Variants in USP24 observed in about 807,000 individuals in gnomAD.
USP24 encodes the protein ubiquitin specific peptidase 24.
In USP24, 97 loss-of-function variants were observed where a neutral mutation model predicts 361.6. The observed-to-expected ratio is 0.27, with a 90% CI of 0.23 to 0.32. USP24 has a LOEUF of 0.32. USP24 is among the 10% of genes least tolerant of loss of function. The pLI, the probability that USP24 is intolerant of heterozygous loss-of-function variation, is 1.00. For synonymous variants in USP24, 1,098 were observed against 1,124.6 expected (o/e 0.98, Z 0.47); for missense variants, 2,353 against 3,165.6 (o/e 0.74, Z 6.16).
intron 18 of USP24, 38 bp from the exon 19 acceptor site, chr1:55,147,098 C>A: frequency 1.3e-6 from 2 of 1,496,694 alleles, no homozygotes. Context: ...TAACTCCAGG[C>A]ATTCATTCCT....
At chr1:55,115,786 G>C (rs1646096489) in intron 38 of USP24, among the ~76,000 whole-genome samples, 2 of 152,198 alleles carry the variant, frequency 1.3e-5, no homozygotes, top group Admixed American at 1.3e-4. Context: ...ATCAATGATA[G>C]ACTGGATAAA....
chr1:55,181,114 T>G (rs1478286537), intron 1 of USP24, among the ~76,000 whole-genome samples: 6 of 151,312 alleles, frequency 4.0e-5, no homozygotes, highest in Admixed American at 1.3e-4. Context: ...CATTACAAAA[T>G]AAAATAATCC....
chr1:55,189,712 G>C (rs1308439398), intron 1 of USP24, among the ~76,000 whole-genome samples: 1 of 152,074 alleles, frequency 6.6e-6, no homozygotes, highest in Non-Finnish European at 1.5e-5. Context: ...TCTCAATAAA[G>C]CTGTTATTTA....
chr1:55,147,831 T>C (rs1210153090), intron 17 of USP24, 33 bp from the exon 18 acceptor site: 8 of 1,605,020 alleles, frequency 5.0e-6, no homozygotes, highest in East Asian at 2.2e-5. Flanking sequence ...AAAGTGGTAA[T>C]GAGAATTTGC....
intron 55 of USP24, among the ~76,000 whole-genome samples, chr1:55,089,108 A>G (rs1168739143): frequency 6.6e-6 from 1 of 151,956 alleles, no homozygotes; most frequent in African/African-American, 2.4e-5. Context: ...GGGTTTCACC[A>G]TGTTGGCCAG....
chr1:55,098,836 C>G (rs1383025806), intron 45 of USP24, among the ~76,000 whole-genome samples: 1 of 152,100 alleles, frequency 6.6e-6, no homozygotes, highest in Non-Finnish European at 1.5e-5. Context: ...CTACAAGGAC[C>G]AAGTTAGGGG....
chr1:55,073,350 T>C (rs546724896), intron 64 of USP24, among the ~76,000 whole-genome samples: 3 of 152,302 alleles, frequency 2.0e-5, no homozygotes, highest in African/African-American at 7.2e-5. Context: ...ACAACTGTAC[T>C]AACCTCATGA....
chr1:55,185,093 G>A (rs1035305822), intron 1 of USP24, among the ~76,000 whole-genome samples: 2 of 151,840 alleles, frequency 1.3e-5, no homozygotes, highest in African/African-American at 4.8e-5. Flanking sequence ...CCAGCAGCTG[G>A]GACTACTGCT....
chr1:55,081,850 TA>T (rs1176086843), intron 58 of USP24, among the ~76,000 whole-genome samples: 4 of 152,244 alleles, frequency 2.6e-5, no homozygotes, highest in Non-Finnish European at 4.4e-5. Context: ...TTTTGAGGAC[TA>T]AATGAAATAT....
At chr1:55,091,771 G>T (rs1329499136) in intron 54 of USP24, among the ~76,000 whole-genome samples, 2 of 152,024 alleles carry the variant, frequency 1.3e-5, no homozygotes, top group Non-Finnish European at 2.9e-5. Flanking sequence ...TCCTTATCTG[G>T]ATATGATTTT....
intron 1 of USP24, among the ~76,000 whole-genome samples, chr1:55,197,281 C>CT (rs1644445659): frequency 6.6e-6 from 1 of 152,174 alleles, no homozygotes; most frequent in Admixed American, 6.6e-5. Flanking sequence ...TCCTGTGCTG[C>CT]TTTTTTTCCA....
chr1:55,104,710 T>C (rs1557564358), intron 41 of USP24, among the ~76,000 whole-genome samples: 1 of 152,100 alleles, frequency 6.6e-6, no homozygotes, highest in Non-Finnish European at 1.5e-5. Flanking sequence ...AGTGAAACAC[T>C]TAGGGAATGT....
intron 5 of USP24, among the ~76,000 whole-genome samples, chr1:55,169,559 T>C (rs182788672): frequency 6.6e-6 from 1 of 152,172 alleles, no homozygotes; most frequent in East Asian, 1.9e-4. Flanking sequence ...AAAGAAAAGA[T>C]TTCAAAATAC....
chr1:55,213,994 A>C (rs1644915591), intron 1 of USP24, among the ~76,000 whole-genome samples: 1 of 151,148 alleles, frequency 6.6e-6, no homozygotes, highest in Admixed American at 6.6e-5. Context: ...GATGACCAGT[A>C]CTCCCTCTTT....
chr1:55,107,853 A>AAC, intron 39 of USP24, among the ~76,000 whole-genome samples: 1 of 141,854 alleles, frequency 7.0e-6, no homozygotes, highest in African/African-American at 2.7e-5. Flanking sequence ...AAAAAAAAAA[A>AAC]AAAAAAAAAA....
intron 42 of USP24, among the ~76,000 whole-genome samples, 177 bp downstream of exon 42, chr1:55,103,699 A>G (rs140793639): frequency 6.6e-6 from 1 of 152,354 alleles, no homozygotes; most frequent in East Asian, 1.9e-4. Context: ...TTCATAATAT[A>G]TTCAGTATAT....
chr1:55,102,940 T>G (rs931008227), intron 42 of USP24, among the ~76,000 whole-genome samples: 1 of 152,196 alleles, frequency 6.6e-6, no homozygotes, highest in Non-Finnish European at 1.5e-5. Flanking sequence ...TGCCAAGTGC[T>G]ACTCCCTCTA....
At chr1:55,107,456 A>T in intron 39 of USP24, 26 bp from the exon 40 acceptor site, 1 of 1,533,032 alleles carries the variant, frequency 6.5e-7, no homozygotes, top group African/African-American at 1.4e-5. Context: ...AAAATCCATT[A>T]CAAAGAAAGA....
At chr1:55,129,960 A>G (rs1408529876) in intron 31 of USP24, among the ~76,000 whole-genome samples, 1 of 152,200 alleles carries the variant, frequency 6.6e-6, no homozygotes, top group East Asian at 1.9e-4. Flanking sequence ...GAGTTTCCCA[A>G]CAATAACTCT....
Sources: gnomAD v4.1 joint callset for allele counts (sites outside exome capture counted in the v4.1 genomes callset) on GRCh38, gnomAD v4.1.1 for gene constraint, MANE v1.5 for transcripts, NCBI Gene and HGNC (gene_info 2026-07-23, HGNC 2026-07-21) for gene names.